NOVA1: variants seen among roughly 807,000 people sequenced by gnomAD.
The protein encoded by NOVA1 is RNA-binding protein Nova-1.
In NOVA1, 7 loss-of-function variants were observed where a neutral mutation model predicts 38.0. That is an observed-to-expected ratio of 0.18 (90% CI 0.10 to 0.35). NOVA1 has a LOEUF of 0.35. NOVA1 is among the 10% of genes least tolerant of loss of function. NOVA1 has a pLI of 1.00. For synonymous variants in NOVA1, 270 were observed against 232.5 expected (o/e 1.16, Z -1.47); for missense variants, 460 against 616.0 (o/e 0.75, Z 2.68).
At chr14:26,484,428 GAAAAAAAAAAAAAAAAAAA>G (rs869087238) in intron 2 of NOVA1, among the ~76,000 whole-genome samples, 2 of 56,436 alleles carry the variant, frequency 3.5e-5, no homozygotes, top group Admixed American at 3.5e-4. Flanking sequence ...ACTCCGTCTC[GAAAAAAAAAAAAAAAAAAA>G]AAAAAAAAAA....
At chr14:26,561,429 A>G (rs1367660921) in intron 2 of NOVA1, among the ~76,000 whole-genome samples, 1 of 152,234 alleles carries the variant, frequency 6.6e-6, no homozygotes, top group Non-Finnish European at 1.5e-5. Context: ...GGTAACAGAA[A>G]TGCATCCTAT....
chr14:26,568,557 T>A (rs1892273512), intron 2 of NOVA1: 1 of 152,162 alleles, frequency 6.6e-6, no homozygotes, highest in Admixed American at 6.5e-5. Context: ...CAGCCAATTC[T>A]CCTGCCTGAA....
intron 2 of NOVA1, among the ~76,000 whole-genome samples, chr14:26,552,970 G>A (rs1594521856): frequency 6.6e-6 from 1 of 152,102 alleles, no homozygotes; most frequent in Non-Finnish European, 1.5e-5. Context: ...ATCACCTGGG[G>A]CCTTCCAAGC....
intron 2 of NOVA1, among the ~76,000 whole-genome samples, chr14:26,490,032 T>A (rs1419407765): frequency 6.6e-6 from 1 of 152,292 alleles, no homozygotes; most frequent in African/African-American, 2.4e-5. Flanking sequence ...TTCCTTCCTA[T>A]ATCCCCCAGT....
At chr14:26,556,540 C>A (rs1049032847) in intron 2 of NOVA1, among the ~76,000 whole-genome samples, 1 of 152,140 alleles carries the variant, frequency 6.6e-6, no homozygotes, top group African/African-American at 2.4e-5. Flanking sequence ...AAAGATAAAA[C>A]TCTACAACTC....
chr14:26,556,247 CA>C (rs1697429573), intron 2 of NOVA1, among the ~76,000 whole-genome samples: 1 of 152,004 alleles, frequency 6.6e-6, no homozygotes, highest in Non-Finnish European at 1.5e-5. Context: ...CAAAACTTTA[CA>C]AAACAATAGT....
chr14:26,531,563 C>T (rs187710487), intron 2 of NOVA1, among the ~76,000 whole-genome samples: 167 of 152,210 alleles, frequency 1.1e-3, no homozygotes, highest in Middle Eastern at 3.4e-3. Flanking sequence ...GCCGAGATCG[C>T]GCCATTGCAC....
At chr14:26,466,649 T>C (rs1021476932) in intron 4 of NOVA1, among the ~76,000 whole-genome samples, 2 of 152,196 alleles carry the variant, frequency 1.3e-5, no homozygotes, top group Non-Finnish European at 2.9e-5. Flanking sequence ...GGTTAAAATG[T>C]TTTTGTCCAT....
chr14:26,552,279 GAGA>G lies in NOVA1; in HGVS notation c.280+43128_280+43130del, dbSNP rs568949057. On this transcript the variant is annotated intron_variant, in intron 2 of 4. Transcript: ENST00000539517. ...ATAGAGTTCATGTAAGAACCACGGA[GAGA>G]AGAAGAATAGGCACAGGACCAATTA... is the stretch of plus-strand genomic sequence containing the variant. Among the ~76,000 whole-genome samples the G allele has an allele frequency of 4.6e-4, 70 of 152,158 alleles. 1 individual carries two copies. The Middle Eastern group carries it at 0.014, about 30-fold the overall frequency.
chr14:26,549,743 T>A (rs1466630398), intron 2 of NOVA1: 1 of 1,289,030 alleles, frequency 7.8e-7, no homozygotes, highest in South Asian at 1.2e-5. Context: ...ATACCTTCTG[T>A]ACAGCACCAT....
intron 2 of NOVA1, among the ~76,000 whole-genome samples, chr14:26,526,833 CA>C (rs955505395): frequency 1.1e-3 from 170 of 152,206 alleles, no homozygotes; most frequent in Non-Finnish European, 2.0e-3. Context: ...TGTGGTCTTG[CA>C]AATGCATGAT....
intron 2 of NOVA1, among the ~76,000 whole-genome samples, chr14:26,582,201 T>C (rs1401905412): frequency 6.6e-6 from 1 of 151,848 alleles, no homozygotes; most frequent in East Asian, 1.9e-4. Context: ...ATTGTACTTA[T>C]TCTGCATATT....
At chr14:26,530,403 A>C (rs886756861) in intron 2 of NOVA1, among the ~76,000 whole-genome samples, 1 of 152,220 alleles carries the variant, frequency 6.6e-6, no homozygotes, top group Non-Finnish European at 1.5e-5. Context: ...TGTTAAGATT[A>C]AAAAAGCAAG....
intron 4 of NOVA1, among the ~76,000 whole-genome samples, chr14:26,455,136 C>T (rs1381426143): frequency 1.3e-5 from 2 of 152,102 alleles, no homozygotes; most frequent in African/African-American, 4.8e-5. Context: ...ATAACCAAAT[C>T]CAAGGCAGAA....
intron 2 of NOVA1, among the ~76,000 whole-genome samples, chr14:26,588,859 T>G (rs996233811): frequency 1.3e-5 from 2 of 149,384 alleles, no homozygotes; most frequent in Admixed American, 6.7e-5. Flanking sequence ...TTAACAGCTA[T>G]AATTACCAAT....
chr14:26,499,018 G>A (rs950355102), intron 2 of NOVA1, among the ~76,000 whole-genome samples: 9 of 152,176 alleles, frequency 5.9e-5, no homozygotes, highest in South Asian at 4.1e-4. Flanking sequence ...TAGAGATAGA[G>A]AATAAAACAG....
chr14:26,476,283 T>G (rs957789300), intron 3 of NOVA1, among the ~76,000 whole-genome samples: 1 of 152,212 alleles, frequency 6.6e-6, no homozygotes, highest in African/African-American at 2.4e-5. Flanking sequence ...TGTCTGGATT[T>G]TTAATGCAAG....
rs1173323483 is a variant in NOVA1, at chr14:26,489,298, T to G, written c.281-9155A>C. Among the ~76,000 whole-genome samples the G allele has an allele frequency of 2.0e-5, 3 of 152,198 alleles. 1 individual carries two copies. In the East Asian group the frequency reaches 5.8e-4, roughly 29 times the overall value. On this transcript the variant is annotated intron_variant, in intron 2 of 4. Transcript: ENST00000539517. ...AATTCAACTGAAGACAAGGCCTGCA[T>G]TTGTTGAAATTTCAAGGACTGAATT...
At chr14:26,501,555 G>A (rs1341265205) in intron 2 of NOVA1, among the ~76,000 whole-genome samples, 4 of 151,758 alleles carry the variant, frequency 2.6e-5, no homozygotes, top group Non-Finnish European at 5.9e-5. Flanking sequence ...TACATATGAA[G>A]TATAAAGAAA....
Sources: allele counts gnomAD v4.1 joint callset (sites outside exome capture counted in the v4.1 genomes callset), GRCh38; gene constraint gnomAD v4.1.1; transcripts MANE v1.5; gene names NCBI Gene and HGNC (gene_info 2026-07-23, HGNC 2026-07-21).